Variants in LCMT1 observed in about 807,000 individuals in gnomAD.
LCMT1 encodes the protein [Phosphatase 2A protein]-leucine-carboxy methyltransferase 1.
A neutral mutation model predicts 47.7 loss-of-function variants in LCMT1; 32 were observed. The observed-to-expected ratio is 0.67, with a 90% CI of 0.51 to 0.90. The LOEUF (loss-of-function observed/expected upper bound fraction) is 0.90, where lower values mean the gene tolerates loss of function less well. Among genes scored for constraint, LCMT1 ranks in the 40% least tolerant of loss-of-function variants. LCMT1 has a pLI of 0.00. For missense variants in LCMT1, 375 were observed against 415.2 expected, an observed-to-expected ratio of 0.90 and a Z score of 0.84; for synonymous variants, 152 against 149.7, an observed-to-expected ratio of 1.02 and a Z score of -0.11.
intron 4 of LCMT1, chr16:25,145,081 C>T (rs2141671500): frequency 6.6e-6 from 1 of 152,348 alleles, no homozygotes; most frequent in South Asian, 2.1e-4. Context: ...GCCCACCATT[C>T]CCAAGAAACC....
intron 6 of LCMT1, among the ~76,000 whole-genome samples, chr16:25,163,875 T>C (rs1054062204): frequency 2.6e-5 from 4 of 152,226 alleles, no homozygotes; most frequent in African/African-American, 9.6e-5. Flanking sequence ...TGGGCTGGGC[T>C]TAGCTGGATG....
At chr16:25,146,042 A>G (rs1960839426) in intron 4 of LCMT1, 1 of 152,156 alleles carries the variant, frequency 6.6e-6, no homozygotes, top group Non-Finnish European at 1.5e-5. Context: ...CTACCCAGCA[A>G]TGGAGTAGGA....
At chr16:25,112,515 G>C (rs917533297) in intron 1 of LCMT1, among the ~76,000 whole-genome samples, 12 of 152,208 alleles carry the variant, frequency 7.9e-5, no homozygotes, top group Admixed American at 3.9e-4. Context: ...TGTGGTGGTG[G>C]GGATGGGGGC....
intron 1 of LCMT1, among the ~76,000 whole-genome samples, chr16:25,119,613 C>T (rs890747438): frequency 1.3e-5 from 2 of 152,126 alleles, no homozygotes; most frequent in African/African-American, 4.8e-5. Context: ...AGAACTTAAT[C>T]TCATTTTCAG....
At chr16:25,160,299 G>T (rs1375432859) in intron 5 of LCMT1, among the ~76,000 whole-genome samples, 1 of 57,342 alleles carries the variant, frequency 1.7e-5, no homozygotes, top group Non-Finnish European at 3.2e-5. Flanking sequence ...AGAAATTTGG[G>T]GTGGAGCCTA....
intron 5 of LCMT1, among the ~76,000 whole-genome samples, chr16:25,159,875 G>C (rs1242911172): frequency 1.3e-5 from 2 of 151,942 alleles, no homozygotes; most frequent in African/African-American, 4.8e-5. Flanking sequence ...GCAATGGTTT[G>C]TACCCTCAAG....
chr16:25,166,066 T>G (rs1414874232), intron 7 of LCMT1, among the ~76,000 whole-genome samples: 1 of 151,586 alleles, frequency 6.6e-6, no homozygotes, highest in Non-Finnish European at 1.5e-5. Flanking sequence ...GTCAGGAGTT[T>G]TGAGACCAGA....
intron 7 of LCMT1, among the ~76,000 whole-genome samples, chr16:25,165,554 A>G (rs1961563995): frequency 6.8e-6 from 1 of 147,282 alleles, no homozygotes; most frequent in African/African-American, 2.5e-5. Context: ...TTTCACTCTT[A>G]TTGCCCAGGC....
At chr16:25,139,395 C>T (rs571089128) in intron 3 of LCMT1, among the ~76,000 whole-genome samples, 4 of 151,838 alleles carry the variant, frequency 2.6e-5, no homozygotes, top group South Asian at 2.1e-4. Flanking sequence ...CTGTAATCCT[C>T]GCTACTCTGG....
At chr16:25,164,902 G>A (rs1186839130) in intron 7 of LCMT1, among the ~76,000 whole-genome samples, 184 bp downstream of exon 7, 4 of 152,142 alleles carry the variant, frequency 2.6e-5, no homozygotes, top group Admixed American at 2.6e-4. Flanking sequence ...CAGACTTTTA[G>A]CCAGTTATTA....
At chr16:25,149,651 T>C (rs1961007467) in intron 4 of LCMT1, among the ~76,000 whole-genome samples, 1 of 152,234 alleles carries the variant, frequency 6.6e-6, no homozygotes, top group Non-Finnish European at 1.5e-5. Context: ...CAGTGGCTTA[T>C]GCCTGTAATC....
intron 5 of LCMT1, among the ~76,000 whole-genome samples, chr16:25,157,150 T>TTGTGTG (rs36066156): frequency 1.6e-3 from 236 of 149,962 alleles, no homozygotes; most frequent in South Asian, 9.7e-3. Context: ...ACACCAGCAC[T>TTGTGTG]TGTGTGTGTG....
intron 4 of LCMT1, chr16:25,144,560 A>G (rs1174024068): frequency 6.6e-6 from 1 of 152,376 alleles, no homozygotes; most frequent in Non-Finnish European, 1.5e-5. Flanking sequence ...TGCTGTGTTC[A>G]AAGTCTGACA....
chr16:25,160,961 G>C, intron 5 of LCMT1, 141 bp from the exon 6 acceptor site: 1 of 608,660 alleles, frequency 1.6e-6, no homozygotes, highest in Non-Finnish European at 2.9e-6. Context: ...TAGGATTTTG[G>C]TTAATTTTTA....
At chr16:25,119,332 C>T (rs779327566) in intron 1 of LCMT1, among the ~76,000 whole-genome samples, 2 of 151,874 alleles carry the variant, frequency 1.3e-5, no homozygotes, top group East Asian at 1.9e-4. Flanking sequence ...TGGTGGTCAT[C>T]GGCCCAGTTG....
intron 5 of LCMT1, among the ~76,000 whole-genome samples, chr16:25,159,817 C>A (rs989709893): frequency 2.0e-5 from 3 of 151,980 alleles, no homozygotes; most frequent in Non-Finnish European, 4.4e-5. Context: ...GCCAAGAGAA[C>A]CTGAATTATT....
intron 5 of LCMT1, among the ~76,000 whole-genome samples, chr16:25,153,389 C>T (rs748482900): frequency 7.2e-5 from 11 of 152,174 alleles, no homozygotes; most frequent in Non-Finnish European, 1.3e-4. Flanking sequence ...GCCTTCTTGC[C>T]GTGTCATCCC....
At position 25,132,469 on chromosome 16, in the gene LCMT1, T is replaced by A. The variant is rs778365649; in HGVS notation, c.273T>A (p.His91Gln). 1 of 1,613,948 alleles carries A rather than the reference T, an allele frequency of 6.2e-7. No homozygotes were observed. The highest frequency in any genetic ancestry group is 8.5e-7 in the Non-Finnish European group (1 of 1,179,856). The change falls in exon 3 of 11, where the codon CAT becomes CAA. Residue 91 changes from histidine (H) to glutamine (Q), a missense_variant. Physicochemically the swap from His to Gln is conservative, Grantham distance 24. Transcript: ENST00000399069. ...IKAFLRKTECHCQIVNLGAGM... is the reference protein window; with the variant it reads ...IKAFLRKTECQCQIVNLGAGM... ...CATTTCTACGGAAGACAGAATGTCA[T>A]TGTCAAATTGTCAACCTTGGGGCAG...
chr16:25,115,271 C>CT (rs1332801977), intron 1 of LCMT1, among the ~76,000 whole-genome samples: 1 of 152,236 alleles, frequency 6.6e-6, no homozygotes, highest in Non-Finnish European at 1.5e-5. Context: ...GCTGTTACCT[C>CT]TTAATTGATT....
Sources: allele counts gnomAD v4.1 joint callset (sites outside exome capture counted in the v4.1 genomes callset), GRCh38; gene constraint gnomAD v4.1.1; transcripts MANE v1.5; gene names NCBI Gene and HGNC (gene_info 2026-07-23, HGNC 2026-07-21).